The following CYP4F8 variants were observed in gnomAD, a reference collection of about 807,000 sequenced individuals.
CYP4F8 encodes the protein cytochrome P450 family 4 subfamily F member 8, also known as cytochrome P450 4F8.
CYP4F8 carries 56 observed loss-of-function variants against 55.0 expected under a neutral mutation model. The observed-to-expected ratio is 1.02, with a 90% CI of 0.82 to 1.27. The LOEUF (loss-of-function observed/expected upper bound fraction) is 1.27, where lower values mean the gene tolerates loss of function less well. Among genes scored for constraint, CYP4F8 ranks in the 50% most tolerant of loss-of-function variants. CYP4F8 has a pLI of 0.00. For missense variants in CYP4F8, 680 were observed against 682.4 expected, an observed-to-expected ratio of 1.00 and a Z score of 0.04; for synonymous variants, 288 against 267.3, an observed-to-expected ratio of 1.08 and a Z score of -0.76.
intron 6 of CYP4F8, 41 bp downstream of exon 6, chr19:15,622,381 G>C: frequency 6.3e-7 from 1 of 1,594,754 alleles, no homozygotes. Flanking sequence ...GGATGGAGTG[G>C]GGGTGTGGGT....
chr19:15,618,102 T>C lies in CYP4F8; in HGVS notation c.301T>C (p.Leu101=). 6.2e-7 allele frequency: 1 copy of C among 1,614,032 alleles called. No homozygotes were observed. The highest frequency in any genetic ancestry group is 8.5e-7 in the Non-Finnish European group (1 of 1,179,962). ...GGGCCCCATCACTCCCATCATCAAC[T>C]TGTGCCACCCTGACATCGTCCGATC... ...WLGPITPIIN[L]CHPDIVRSVI... is the part of the protein sequence containing the mutation. The change falls in exon 3 of 13, where the codon TTG becomes CTG. Residue 101 remains leucine (L), a synonymous_variant. Coordinates refer to ENST00000612078, the MANE Select transcript of CYP4F8 (RefSeq NM_007253.4).
chr19:15,628,139 T>C, intron 9 of CYP4F8, 163 bp from the exon 10 acceptor site: 1 of 1,015,376 alleles, frequency 9.8e-7, no homozygotes, highest in Non-Finnish European at 1.4e-6. Context: ...CAACTTTTCT[T>C]CTAGTAGTTT....
At chr19:15,628,220 C>T (rs1203861802) in intron 9 of CYP4F8, 82 bp from the exon 10 acceptor site, 5 of 1,587,764 alleles carry the variant, frequency 3.1e-6, no homozygotes, top group Non-Finnish European at 4.3e-6. Flanking sequence ...GACTGAGGGT[C>T]AGAGGGAGGT....
intron 2 of CYP4F8, among the ~76,000 whole-genome samples, chr19:15,617,685 C>T (rs920611043): frequency 1.3e-5 from 2 of 152,100 alleles, no homozygotes; most frequent in African/African-American, 4.8e-5. Flanking sequence ...GGTGCAATTC[C>T]GTCTGGGTCC....
At position 15,630,132 on chromosome 19, in the gene CYP4F8, G is replaced by A. The variant is rs1972317642; in HGVS notation, c.*774G>A. 1 of 152,046 alleles carries A rather than the reference G, an allele frequency of 6.6e-6. No homozygotes were observed. The highest frequency in any genetic ancestry group is 1.5e-5 in the Non-Finnish European group (1 of 68,068). 9.4% of individuals were successfully genotyped at this position (152,046 alleles called of 1,614,324 possible). A position where few individuals can be genotyped will look rare whatever the true frequency, so the allele number is the denominator to read the frequency against. ...TCAGCCCACCTCAGCCTCCCAAAGT[G>A]CCAGAATTGCAGGTGTGAGAATAAA... On this transcript the variant is annotated 3_prime_UTR_variant, in exon 13 of 13. Transcript: ENST00000612078.
chr19:15,624,798 G>A (rs927105003), intron 9 of CYP4F8, among the ~76,000 whole-genome samples: 2 of 152,150 alleles, frequency 1.3e-5, no homozygotes, highest in Non-Finnish European at 2.9e-5. Context: ...TTAAATGTGG[G>A]TAAAGTTGAG....
chr19:15,619,797 C>G lies in CYP4F8; in HGVS notation c.525+35C>G, dbSNP rs375811799. 13 of 1,608,734 alleles carry G rather than the reference C, an allele frequency of 8.1e-6. No homozygotes were observed. The African/African-American group carries it at 1.7e-4, about 21-fold the overall frequency. On this transcript the variant is annotated intron_variant, in intron 5 of 12. Coordinates refer to ENST00000612078, the MANE Select transcript of CYP4F8 (RefSeq NM_007253.4). ...TTGAACTCAGCATCCCAGCTGCAGC[C>G]TTGGGGTGGAGGGATCACATACAAT...
At chr19:15,615,469 C>T (rs1024926691) in intron 1 of CYP4F8, 147 bp from the exon 2 acceptor site, 3 of 822,406 alleles carry the variant, frequency 3.6e-6, no homozygotes, top group East Asian at 3.0e-5. Context: ...GTCACTTCTC[C>T]TCTCCCCTCT....
chr19:15,615,922 C>T lies in CYP4F8; in HGVS notation c.198+108C>T, dbSNP rs559786881. The T allele has an allele frequency of 1.4e-5, 17 of 1,177,340 alleles. No individual in the cohort carries two copies. The South Asian group carries it at 3.3e-4, about 23-fold the overall frequency. The allele number at this position is 1,177,340 out of a possible 1,614,324, so 72.9% of individuals were successfully genotyped here. ...GGGACGGCAGAGAAACTCACTCATT[C>T]CTCTGATCACTCACTCATTCCTCTT... On this transcript the variant is annotated intron_variant, in intron 2 of 12. Transcript: ENST00000612078.
At chr19:15,618,242 C>A in intron 3 of CYP4F8, 98 bp downstream of exon 3, 1 of 1,557,610 alleles carries the variant, frequency 6.4e-7, no homozygotes. Flanking sequence ...TAGTACTCAG[C>A]CCCTTCCTTC....
chr19:15,624,062 T>A lies in CYP4F8; in HGVS notation c.1083T>A (p.Leu361=). ...QERCRQEVQE[L]LKDREPKEIE... is the part of the protein sequence containing the mutation. ...GCTGCCGGCAGGAGGTGCAAGAGCT[T>A]CTGAAGGACCGTGAGCCTAAAGAGA... is the stretch of plus-strand genomic sequence containing the variant. The change falls in exon 9 of 13, where the codon CTT becomes CTA. Residue 361 remains leucine (L), a synonymous_variant. Coordinates refer to ENST00000612078, the MANE Select transcript of CYP4F8 (RefSeq NM_007253.4). The A allele has an allele frequency of 6.2e-7, 1 of 1,614,138 alleles. No homozygotes were observed. Among genetic ancestry groups the A allele is most frequent in the East Asian group, 2.2e-5 (1 of 44,878 alleles).
At chr19:15,627,123 A>G (rs190444628) in intron 9 of CYP4F8, 2 of 152,226 alleles carry the variant, frequency 1.3e-5, no homozygotes, top group East Asian at 3.9e-4. Context: ...TGCATTTGTA[A>G]TATCTCTTAA....
chr19:15,623,521 A>G (rs1447802269), intron 7 of CYP4F8, 146 bp downstream of exon 7: 6 of 1,042,648 alleles, frequency 5.8e-6, no homozygotes, highest in South Asian at 1.8e-5. Flanking sequence ...TAAATTTTAG[A>G]GGTGATTGCA....
chr19:15,629,645 G>A lies in CYP4F8; in HGVS notation c.*287G>A. Reference sequence around the variant, plus strand: ...AGACTTTTTCCCCCCCAAAATAATTGTGTATTCTGATATAAATTTTTGCCA... The same window carrying A: ...AGACTTTTTCCCCCCCAAAATAATTATGTATTCTGATATAAATTTTTGCCA... On this transcript the variant is annotated 3_prime_UTR_variant, in exon 13 of 13. Coordinates refer to ENST00000612078, the MANE Select transcript of CYP4F8 (RefSeq NM_007253.4). 8.5e-6 allele frequency: 3 copies of A among 353,330 alleles called. No homozygotes were observed. The East Asian group carries it at 1.5e-4, about 17-fold the overall frequency. 21.9% of individuals were successfully genotyped at this position (353,330 alleles called of 1,614,324 possible).
chr19:15,629,582 C>T lies in CYP4F8; in HGVS notation c.*224C>T, dbSNP rs560930948. On this transcript the variant is annotated 3_prime_UTR_variant, in exon 13 of 13. Coordinates refer to ENST00000612078, the MANE Select transcript of CYP4F8 (RefSeq NM_007253.4). ...CTGCCTCTCTGGGTGAGCACAGGAG[C>T]CCCGTGCTGAGGGTGGGATCTCCCA... The T allele has an allele frequency of 1.5e-5, 8 of 534,892 alleles. No individual in the cohort carries two copies. Among genetic ancestry groups the T allele is most frequent in the Admixed American group, 7.8e-5 (2 of 25,634 alleles). 33.1% of individuals were successfully genotyped at this position (534,892 alleles called of 1,614,324 possible).
At chr19:15,627,076 CCA>C (rs1568385014) in intron 9 of CYP4F8, 5 of 152,084 alleles carry the variant, frequency 3.3e-5, no homozygotes, top group African/African-American at 1.2e-4. Flanking sequence ...TGCAGCAGTC[CCA>C]CAGTTTTTTT....
chr19:15,618,288 T>C (rs1179597497), intron 3 of CYP4F8, 144 bp downstream of exon 3: 2 of 1,247,302 alleles, frequency 1.6e-6, no homozygotes, highest in Admixed American at 1.8e-5. Context: ...CTTTCCTTCC[T>C]GTAGTCACCA....
rs1348872533 is a variant in CYP4F8, at chr19:15,617,887, C to CT, written c.199-112dup. 8.2e-6 allele frequency: 11 copies of CT among 1,336,030 alleles called. No homozygotes were observed. The African/African-American group carries it at 1.6e-4, about 20-fold the overall frequency. 82.8% of individuals were successfully genotyped at this position (1,336,030 alleles called of 1,614,324 possible). A position where few individuals can be genotyped will look rare whatever the true frequency, so the allele number is the denominator to read the frequency against. On this transcript the variant is annotated intron_variant, in intron 2 of 12. Transcript: ENST00000612078. Reference sequence around the variant, plus strand: ...TCAGTTTTCCTTCAAATGCTAATCTCTCCTGAAACACTCTCACAGACATAC... The same window carrying CT: ...TCAGTTTTCCTTCAAATGCTAATCTCTTCCTGAAACACTCTCACAGACATAC...
chr19:15,616,689 G>A (rs1156761511), intron 2 of CYP4F8, among the ~76,000 whole-genome samples: 3 of 152,164 alleles, frequency 2.0e-5, no homozygotes, highest in African/African-American at 4.8e-5. Context: ...CCGTGCAGGG[G>A]CATCTTCTTT....
Sources: allele counts gnomAD v4.1 joint callset (sites outside exome capture counted in the v4.1 genomes callset), GRCh38; gene constraint gnomAD v4.1.1; transcripts MANE v1.5; gene names NCBI Gene and HGNC (gene_info 2026-07-23, HGNC 2026-07-21).